Variants in RAD51B observed in about 807,000 individuals in gnomAD.
The protein encoded by RAD51B is RAD51 paralog B.
In RAD51B, 38 loss-of-function variants were observed where a neutral mutation model predicts 42.2. That is an observed-to-expected ratio of 0.90 (90% CI 0.70 to 1.18). The LOEUF (loss-of-function observed/expected upper bound fraction) is 1.18. Ranked by LOEUF, RAD51B falls within the 50% of genes most tolerant of loss-of-function variation. The pLI, the probability that RAD51B is intolerant of heterozygous loss-of-function variation, is 0.00. For synonymous variants in RAD51B, 154 were observed against 145.2 expected, an observed-to-expected ratio of 1.06 and a Z score of -0.43; for missense variants, 373 against 400.7, an observed-to-expected ratio of 0.93 and a Z score of 0.59.
At chr14:68,195,709 G>A (rs2079355197) in intron 7 of RAD51B, among the ~76,000 whole-genome samples, 1 of 151,398 alleles carries the variant, frequency 6.6e-6, no homozygotes, top group Non-Finnish European at 1.5e-5. Context: ...AGGAGTTCGA[G>A]ACCAGCCTGA....
chr14:68,565,900 A>T lies in RAD51B; in HGVS notation c.1037-28585A>T, dbSNP rs1318140869. On this transcript the variant is annotated intron_variant, in intron 10 of 10. Coordinates refer to the RAD51B transcript ENST00000487270. The surrounding 1 kb of genome is among the most constrained non-coding windows in gnomAD (Gnocchi z 4.1). Reference sequence around the variant, plus strand: ...TCCCTGGAGGTGTCTGGCCACTCTCATCCCCGCCGGGCTCCAATGTGGCCA... The same window carrying T: ...TCCCTGGAGGTGTCTGGCCACTCTCTTCCCCGCCGGGCTCCAATGTGGCCA... Among the ~76,000 whole-genome samples, 1 of 152,150 alleles carries T rather than the reference A, an allele frequency of 6.6e-6. No homozygotes were observed. The highest frequency in any genetic ancestry group is 1.9e-4 in the East Asian group (1 of 5,194).
intron 11 of RAD51B, among the ~76,000 whole-genome samples, chr14:68,664,280 TC>T (rs1892990416): frequency 6.6e-6 from 1 of 151,940 alleles, no homozygotes; most frequent in Non-Finnish European, 1.5e-5. Context: ...AATCTTAGAG[TC>T]CCCCAACCAC....
chr14:68,503,478 G>A (rs1013222224), intron 10 of RAD51B, among the ~76,000 whole-genome samples: 4 of 151,656 alleles, frequency 2.6e-5, no homozygotes, highest in Admixed American at 6.6e-5. Context: ...CTCACTGAGC[G>A]CCTACCCACC....
chr14:68,339,284 C>T (rs1413947629), intron 8 of RAD51B: 45 of 917,360 alleles, frequency 4.9e-5, no homozygotes, highest in Non-Finnish European at 7.7e-5. Flanking sequence ...CCTGGGTGAA[C>T]TGGTTAATGG....
intron 7 of RAD51B, among the ~76,000 whole-genome samples, chr14:68,104,219 G>A (rs1052497976): frequency 5.3e-5 from 8 of 152,092 alleles, no homozygotes; most frequent in African/African-American, 1.9e-4. Context: ...TTCTATTTCT[G>A]TGTGATTTTG....
intron 8 of RAD51B, among the ~76,000 whole-genome samples, chr14:68,298,034 C>T (rs1447361430): frequency 6.6e-6 from 1 of 152,252 alleles, no homozygotes; most frequent in Non-Finnish European, 1.5e-5. Context: ...CCGGCCAGTG[C>T]TCTACTTCCC....
chr14:68,336,758 A>G (rs1223184318), intron 8 of RAD51B, among the ~76,000 whole-genome samples: 2 of 152,242 alleles, frequency 1.3e-5, no homozygotes, highest in Non-Finnish European at 2.9e-5. Context: ...AACTAATGCT[A>G]TAATCCTGAT....
chr14:67,882,782 G>T (rs1487251097), intron 5 of RAD51B, among the ~76,000 whole-genome samples: 1 of 151,372 alleles, frequency 6.6e-6, no homozygotes, highest in Non-Finnish European at 1.5e-5. Context: ...GCCTCACTCT[G>T]TTGCCTAGGC....
intron 11 of RAD51B, among the ~76,000 whole-genome samples, chr14:68,660,256 AAGC>A (rs1185502576): frequency 5.3e-5 from 8 of 152,358 alleles, no homozygotes; most frequent in African/African-American, 1.9e-4. Flanking sequence ...TAAAAACAAA[AAGC>A]AGAAAAATAC....
Position 68,051,387 on chromosome 14 carries a change from GTTGT to G in RAD51B, c.756+164194_756+164197del, listed in dbSNP as rs751258439. 1.1e-4 allele frequency among the ~76,000 whole-genome samples: 17 copies of G among 152,004 alleles called. No individual in the cohort carries two copies. In the South Asian group the frequency reaches 1.5e-3, roughly 13 times the overall value. On this transcript the variant is annotated intron_variant, in intron 7 of 10. Transcript: ENST00000471583. ...TTACTAGTCTACTTTTGAAATTTAG[GTTGT>G]TTGTTTGTTTTCAACATATATATTT...
At chr14:68,523,091 T>C (rs1023529) in intron 10 of RAD51B, among the ~76,000 whole-genome samples, 46,904 of 152,078 alleles carry the variant, frequency 0.31, 8,031 homozygotes, top group South Asian at 0.45. Context: ...GTGTACATAT[T>C]TGAGGAATTT....
At chr14:68,575,462 T>G (rs1460568478) in intron 10 of RAD51B, among the ~76,000 whole-genome samples, 1 of 152,192 alleles carries the variant, frequency 6.6e-6, no homozygotes, top group Non-Finnish European at 1.5e-5. Context: ...CTGGCTGATT[T>G]GGACTGAAAT....
At chr14:68,486,350 C>T (rs529550511) in intron 10 of RAD51B, among the ~76,000 whole-genome samples, 28 of 152,272 alleles carry the variant, frequency 1.8e-4, no homozygotes, top group Middle Eastern at 3.4e-3. Flanking sequence ...TATTTAGAAT[C>T]GGAGGTTTAA....
chr14:68,647,018 A>T (rs891232205), intron 10 of RAD51B, among the ~76,000 whole-genome samples: 1 of 152,234 alleles, frequency 6.6e-6, no homozygotes, highest in Non-Finnish European at 1.5e-5. Flanking sequence ...GGTCAGATAT[A>T]TATGTAAGAT....
intron 7 of RAD51B, among the ~76,000 whole-genome samples, chr14:68,254,327 A>G (rs2080705621): frequency 6.6e-6 from 1 of 152,162 alleles, no homozygotes; most frequent in Non-Finnish European, 1.5e-5. Context: ...CCTAGTTAGC[A>G]TCAGCCCCTC....
intron 10 of RAD51B, among the ~76,000 whole-genome samples, chr14:68,625,062 C>T (rs1365493670): frequency 6.6e-6 from 1 of 152,144 alleles, no homozygotes; most frequent in Non-Finnish European, 1.5e-5. Context: ...GTAGCTTGCA[C>T]GAGGTCACAC....
chr14:67,980,555 C>G (rs893965576), intron 7 of RAD51B, among the ~76,000 whole-genome samples: 2 of 152,132 alleles, frequency 1.3e-5, no homozygotes, highest in Non-Finnish European at 2.9e-5. Flanking sequence ...AGAAACAGAT[C>G]AGTGGGAAAG....
intron 8 of RAD51B, among the ~76,000 whole-genome samples, chr14:68,371,196 T>A (rs539918362): frequency 6.6e-6 from 1 of 151,262 alleles, no homozygotes; most frequent in Non-Finnish European, 1.5e-5. Context: ...CAGATTGGGG[T>A]GGGAGGTGCA....
chr14:68,540,597 G>A (rs909129913), intron 10 of RAD51B: 1 of 985,384 alleles, frequency 1.0e-6, no homozygotes, highest in Non-Finnish European at 1.2e-6. Context: ...TGCTGTGCAA[G>A]TATATAATGA....
Sources: gnomAD v4.1 joint callset for allele counts (sites outside exome capture counted in the v4.1 genomes callset) on GRCh38, gnomAD v4.1.1 for gene constraint, Gnocchi (gnomAD v3.1) non-coding constraint, MANE v1.5 for transcripts, NCBI Gene and HGNC (gene_info 2026-07-23, HGNC 2026-07-21) for gene names.